The following RAB1A variants were observed in gnomAD, a reference collection of about 807,000 sequenced individuals.
The protein encoded by RAB1A is RAB1A, member RAS oncogene family.
RAB1A carries 2 observed loss-of-function variants against 26.0 expected under a neutral mutation model. The ratio of observed to expected loss-of-function variants is 0.08; its 90% CI spans 0.03 to 0.24. The LOEUF is 0.24. Ranked by LOEUF, RAB1A falls within the 10% of genes least tolerant of loss-of-function variation. RAB1A has a pLI of 1.00. For missense variants in RAB1A, 100 were observed against 247.0 expected (o/e 0.40, Z 3.99); for synonymous variants, 84 against 84.9 (o/e 0.99, Z 0.06).
chr2:65,101,145 C>A (rs373905484), intron 2 of RAB1A, among the ~76,000 whole-genome samples: 20 of 146,938 alleles, frequency 1.4e-4, no homozygotes, highest in Admixed American at 2.0e-4. Flanking sequence ...GACTCCATCT[C>A]AAAAAAAAAA....
chr2:65,126,670 C>T (rs1558590217), intron 1 of RAB1A, among the ~76,000 whole-genome samples: 1 of 152,116 alleles, frequency 6.6e-6, no homozygotes, highest in Non-Finnish European at 1.5e-5. Flanking sequence ...CATTTGTAAA[C>T]ATTAGCTAAT....
intron 1 of RAB1A, among the ~76,000 whole-genome samples, chr2:65,108,070 A>C (rs1180972536): frequency 6.6e-6 from 1 of 151,474 alleles, no homozygotes; most frequent in African/African-American, 2.4e-5. Context: ...AAAAAAAAAA[A>C]AATCAACAAC....
chr2:65,115,908 C>T (rs903578427), intron 1 of RAB1A, among the ~76,000 whole-genome samples: 4 of 152,158 alleles, frequency 2.6e-5, no homozygotes, highest in African/African-American at 9.7e-5. Flanking sequence ...GTAATCCCAG[C>T]ATTTTGGGAG....
intron 3 of RAB1A, among the ~76,000 whole-genome samples, chr2:65,093,712 T>A (rs1327184919): frequency 6.6e-6 from 1 of 150,708 alleles, no homozygotes; most frequent in Admixed American, 6.7e-5. Context: ...AATCTCCGCC[T>A]CCTGGGTTCA....
At chr2:65,112,541 T>A (rs1187951112) in intron 1 of RAB1A, among the ~76,000 whole-genome samples, 1 of 152,232 alleles carries the variant, frequency 6.6e-6, no homozygotes, top group Non-Finnish European at 1.5e-5. Context: ...ATAAAGCTGC[T>A]TTTGAGGTAC....
intron 1 of RAB1A, among the ~76,000 whole-genome samples, chr2:65,121,991 T>G (rs1669973000): frequency 6.6e-6 from 1 of 151,884 alleles, no homozygotes; most frequent in South Asian, 2.1e-4. Context: ...AAACCCCATC[T>G]CTACTAATAT....
rs527269674 is a variant in RAB1A at position 65,116,587 on chromosome 2, T to C, written c.24-11781A>G. 2.0e-5 allele frequency among the ~76,000 whole-genome samples: 3 copies of C among 152,334 alleles called. No homozygotes were observed. In the South Asian group the frequency reaches 6.2e-4, roughly 32 times the overall value. On this transcript the variant is annotated intron_variant, in intron 1 of 5. Transcript: ENST00000409784. ...CTGGCACATACAGAAGCACAGTAAG[T>C]GGCCATTGTTATTTCTCCTTCCTCC... is the stretch of plus-strand genomic sequence containing the variant.
chr2:65,110,071 A>C (rs182694057), intron 1 of RAB1A, among the ~76,000 whole-genome samples: 17 of 152,286 alleles, frequency 1.1e-4, no homozygotes, highest in Non-Finnish European at 2.1e-4. Flanking sequence ...GCTACAGAAA[A>C]TTTGTGCCAT....
rs1193879980 is a variant in RAB1A at position 65,123,420 on chromosome 2, G to A, written c.23+6473C>T. Among the ~76,000 whole-genome samples the A allele has an allele frequency of 4.0e-5, 6 of 151,852 alleles. No individual in the cohort carries two copies. In the South Asian group the frequency reaches 6.3e-4, roughly 16 times the overall value. On this transcript the variant is annotated intron_variant, in intron 1 of 5. Coordinates refer to ENST00000409784, the MANE Select transcript of RAB1A (RefSeq NM_004161.5). Reference sequence around the variant, plus strand: ...CCTGACCTCGTGATTCGCCCACCTCGGCCTCCCAAAGTGCTGGGATTACAG... The same window carrying A: ...CCTGACCTCGTGATTCGCCCACCTCAGCCTCCCAAAGTGCTGGGATTACAG...
At chr2:65,109,381 A>T (rs1167639142) in intron 1 of RAB1A, among the ~76,000 whole-genome samples, 1 of 152,168 alleles carries the variant, frequency 6.6e-6, no homozygotes. Flanking sequence ...ACTTAAGTGA[A>T]AAAAACTAAA....
At position 65,088,012 on chromosome 2, in the gene RAB1A, C is replaced by A. The variant is rs770810440; in HGVS notation, c.*481G>T. 6.5e-6 allele frequency: 1 copy of A among 153,628 alleles called. No individual in the cohort carries two copies. The highest frequency in any genetic ancestry group is 1.9e-4 in the East Asian group (1 of 5,208). 9.5% of individuals were successfully genotyped at this position (153,628 alleles called of 1,614,324 possible). The stretch of plus-strand genomic sequence containing the variant: ...GAAACTATTAATCAGATAGTGTAAT[C>A]TTTCCATTTATAACTCTACAAGGAA... On this transcript the variant is annotated 3_prime_UTR_variant, in exon 6 of 6. Transcript: ENST00000409784.
At chr2:65,125,202 G>A (rs1033656559) in intron 1 of RAB1A, among the ~76,000 whole-genome samples, 4 of 152,008 alleles carry the variant, frequency 2.6e-5, no homozygotes, top group Admixed American at 6.6e-5. Flanking sequence ...AACTTTTTCT[G>A]CATTAAAGAA....
intron 4 of RAB1A, among the ~76,000 whole-genome samples, chr2:65,089,702 A>ATT (rs58993413): frequency 4.2e-5 from 6 of 141,948 alleles, no homozygotes; most frequent in African/African-American, 1.3e-4. Context: ...AATTTGATTA[A>ATT]TTTTTTTTTT....
intron 3 of RAB1A, among the ~76,000 whole-genome samples, chr2:65,091,991 G>T (rs1261218083): frequency 6.6e-6 from 1 of 152,166 alleles, no homozygotes; most frequent in South Asian, 2.1e-4. Flanking sequence ...AAAAACTGTT[G>T]GGACTGGGTA....
At chr2:65,102,194 A>G (rs1347227800) in intron 2 of RAB1A, among the ~76,000 whole-genome samples, 3 of 152,104 alleles carry the variant, frequency 2.0e-5, no homozygotes, top group African/African-American at 7.2e-5. Flanking sequence ...TGCTATTGCC[A>G]TTAGTTTTCT....
rs181179432 is a variant in RAB1A, at chr2:65,122,966, G to A, written c.23+6927C>T. On this transcript the variant is annotated intron_variant, in intron 1 of 5. Transcript: ENST00000409784. ...AGCCTGGGCAACAGAACAAGACTCC[G>A]TCTCAGACAAAAAAAAAAAAAAAAA... Among the ~76,000 whole-genome samples the A allele has an allele frequency of 3.7e-3, 381 of 102,816 alleles. 4 individuals are homozygous for A. Among genetic ancestry groups the A allele is most frequent in the African/African-American group, 0.014 (370 of 26,346 alleles). The allele number at this position is 102,816 out of a possible 152,430, so 67.5% of individuals were successfully genotyped here.
In RAB1A at chr2:65,130,050, G is replaced by T; in HGVS notation, c.-135C>A. The stretch of plus-strand genomic sequence containing the variant: ...GAGAGCAAACGTCTTCCCCTACTCC[G>T]TCCCCTAGAACACAATCAGCAGCCG... On this transcript the variant is annotated 5_prime_UTR_variant, in exon 1 of 6. Coordinates refer to ENST00000409784, the MANE Select transcript of RAB1A (RefSeq NM_004161.5). The T allele has an allele frequency of 1.0e-6, 1 of 995,324 alleles. No homozygotes were observed. The highest frequency in any genetic ancestry group is 1.5e-6 in the Non-Finnish European group (1 of 651,340). The allele number at this position is 995,324 out of a possible 1,614,324, so 61.7% of individuals were successfully genotyped here.
At chr2:65,125,050 C>CAAAAAAA (rs66712908) in intron 1 of RAB1A, among the ~76,000 whole-genome samples, 4 of 130,218 alleles carry the variant, frequency 3.1e-5, no homozygotes, top group Non-Finnish European at 3.3e-5. Context: ...ACAATGCAAG[C>CAAAAAAA]AAAAAAAAAA....
At position 65,104,855 on chromosome 2, in the gene RAB1A, CTATAAGCTA is replaced by C. The variant is rs61326756; in HGVS notation, c.24-58_24-50del. The C allele has an allele frequency of 9.4e-3, 13,111 of 1,387,638 alleles. 982 individuals are homozygous for C. In the African/African-American group the frequency reaches 0.16, roughly 17 times the overall value. 86.0% of individuals were successfully genotyped at this position (1,387,638 alleles called of 1,614,324 possible). A position where few individuals can be genotyped will look rare whatever the true frequency, so the allele number is the denominator to read the frequency against. Reference sequence around the variant, plus strand: ...TGTTAATAAAAAGCACACTGCATTGCTATAAGCTATACAAAAACAAAAACACAGCTACAA... The same window carrying C: ...TGTTAATAAAAAGCACACTGCATTGCTACAAAAACAAAAACACAGCTACAA... On this transcript the variant is annotated intron_variant, in intron 1 of 5. Transcript: ENST00000409784.
Sources: allele counts gnomAD v4.1 joint callset (sites outside exome capture counted in the v4.1 genomes callset), GRCh38; gene constraint gnomAD v4.1.1; transcripts MANE v1.5; gene names NCBI Gene and HGNC (gene_info 2026-07-23, HGNC 2026-07-21).